The following THEMIS variants were observed in gnomAD, a reference collection of about 807,000 sequenced individuals.
The protein encoded by THEMIS is protein THEMIS.
A neutral mutation model predicts 52.6 loss-of-function variants in THEMIS; 37 were observed. That is an observed-to-expected ratio of 0.70 (90% CI 0.54 to 0.93). The LOEUF is 0.93. Ranked by LOEUF, THEMIS falls within the 40% of genes least tolerant of loss-of-function variation. The probability of loss-of-function intolerance (pLI) is 0.00; values close to 1 mark genes in which losing one functional copy is unlikely to be tolerated. For synonymous variants in THEMIS, 292 were observed against 272.7 expected (o/e 1.07, Z -0.70); for missense variants, 808 against 763.1 (o/e 1.06, Z -0.69).
At chr6:127,858,872 C>A (rs1394373372) in intron 1 of THEMIS, among the ~76,000 whole-genome samples, 1 of 152,078 alleles carries the variant, frequency 6.6e-6, no homozygotes, top group Non-Finnish European at 1.5e-5. Flanking sequence ...TTTCAGTGAT[C>A]AAACATTGCC....
rs75242789 is a variant in THEMIS, at chr6:127,871,288, T to C, written c.92-16100A>G. ...TGCATATAATACATATTTATACCTA[T>C]ATACATACACATACACATACATATA... On this transcript the variant is annotated intron_variant, in intron 1 of 5. Coordinates refer to ENST00000368248, the MANE Select transcript of THEMIS (RefSeq NM_001010923.3). 1.0e-2 allele frequency among the ~76,000 whole-genome samples: 1,518 copies of C among 152,094 alleles called. 31 individuals are homozygous for C. The highest frequency in any genetic ancestry group is 0.035 in the African/African-American group (1,440 of 41,530).
intron 4 of THEMIS, among the ~76,000 whole-genome samples, chr6:127,760,275 T>C (rs1405914905): frequency 3.9e-5 from 6 of 152,160 alleles, no homozygotes; most frequent in African/African-American, 1.4e-4. Flanking sequence ...CATACTGTTT[T>C]GATTATTGTA....
Position 127,717,011 on chromosome 6 carries a change from A to G in THEMIS, c.1894+2677T>C, listed in dbSNP as rs115699908. ...CTCAAAGGCAAAAAATGCAGACAGA[A>G]ACTCAGAGACTGAAAGATCCATAAC... On this transcript the variant is annotated intron_variant, in intron 5 of 5. Coordinates refer to ENST00000368248, the MANE Select transcript of THEMIS (RefSeq NM_001010923.3). Among the ~76,000 whole-genome samples the G allele has an allele frequency of 5.5e-3, 832 of 152,074 alleles. 8 individuals carry two copies. The highest frequency in any genetic ancestry group is 0.019 in the African/African-American group (804 of 41,544).
intron 4 of THEMIS, among the ~76,000 whole-genome samples, chr6:127,792,291 C>T (rs1291491410): frequency 6.6e-6 from 1 of 152,222 alleles, no homozygotes; most frequent in African/African-American, 2.4e-5. Context: ...GCTTTTACAG[C>T]AGGCATCATG....
At chr6:127,823,090 T>C (rs895397420) in intron 3 of THEMIS, among the ~76,000 whole-genome samples, 2 of 152,164 alleles carry the variant, frequency 1.3e-5, no homozygotes, top group African/African-American at 2.4e-5. Context: ...TGGAAAATCC[T>C]AACAAGGCAT....
At chr6:127,878,506 G>A (rs757125344) in intron 1 of THEMIS, among the ~76,000 whole-genome samples, 67 of 151,788 alleles carry the variant, frequency 4.4e-4, no homozygotes, top group Non-Finnish European at 8.4e-4. Context: ...TTTTTTGGTT[G>A]TACTAGGCCT....
chr6:127,778,506 T>A (rs528353422), intron 4 of THEMIS, among the ~76,000 whole-genome samples: 1 of 152,282 alleles, frequency 6.6e-6, no homozygotes, highest in South Asian at 2.1e-4. Context: ...CATTTACATT[T>A]AATGTGATTA....
In THEMIS at chr6:127,829,489, T is replaced by C; in HGVS notation, c.696A>G (p.Gln232=). Residue 232 remains glutamine (Q), a synonymous_variant, in exon 3 of 6, where the codon CAA becomes CAG. Coordinates refer to ENST00000368248, the MANE Select transcript of THEMIS (RefSeq NM_001010923.3). ...TLILKPVYEI[Q]GVMKFRKDII... is the part of the protein sequence containing the mutation. ...GTGGATACTCACATTTCATCACACC[T>C]TGAATTTCATAAACAGGCTTGAGAA... 1 of 1,603,782 alleles carries C rather than the reference T, an allele frequency of 6.2e-7. No individual in the cohort carries two copies. The highest frequency in any genetic ancestry group is 1.3e-5 in the African/African-American group (1 of 74,626).
At chr6:127,868,882 T>C (rs559054975) in intron 1 of THEMIS, among the ~76,000 whole-genome samples, 1 of 152,274 alleles carries the variant, frequency 6.6e-6, no homozygotes, top group East Asian at 1.9e-4. Context: ...AACTAATTAA[T>C]TAAATATATG....
At chr6:127,862,428 ATTT>A (rs71028110) in intron 1 of THEMIS, among the ~76,000 whole-genome samples, 19 of 72,772 alleles carry the variant, frequency 2.6e-4, no homozygotes, top group Non-Finnish European at 3.4e-4. Flanking sequence ...TAGGGAGTAA[ATTT>A]TTTTTTTTTT....
downstream of THEMIS, among the ~76,000 whole-genome samples, chr6:127,703,705 C>A (rs1773761076): frequency 6.6e-6 from 1 of 152,072 alleles, no homozygotes; most frequent in South Asian, 2.1e-4. Flanking sequence ...TAAACTAAAC[C>A]TTGCAAAAAT....
intron 5 of THEMIS, among the ~76,000 whole-genome samples, chr6:127,711,194 A>T (rs182053020): frequency 4.3e-4 from 65 of 151,214 alleles, no homozygotes; most frequent in African/African-American, 1.5e-3. Flanking sequence ...ATTTTTTTTT[A>T]AAGGAGAAGG....
intron 4 of THEMIS, among the ~76,000 whole-genome samples, chr6:127,764,388 T>A (rs1437550718): frequency 6.6e-6 from 1 of 151,856 alleles, no homozygotes; most frequent in African/African-American, 2.4e-5. Flanking sequence ...TAAAGAAACA[T>A]TAAAACATTA....
rs1449710010 is a variant in THEMIS at position 127,709,784 on chromosome 6, A to G, written c.*201T>C. On this transcript the variant is annotated 3_prime_UTR_variant, in exon 6 of 6. Transcript: ENST00000368248. ...ATGCCTACAGATTTAGACACAACAG[A>G]ATAGACTATATGAATTCTATATCAT... 3.8e-6 allele frequency: 2 copies of G among 524,202 alleles called. No homozygotes were observed. The highest frequency in any genetic ancestry group is 6.7e-5 in the East Asian group (2 of 29,722). The allele number at this position is 524,202 out of a possible 1,614,324, so 32.5% of individuals were successfully genotyped here. A position where few individuals can be genotyped will look rare whatever the true frequency, so the allele number is the denominator to read the frequency against.
intron 1 of THEMIS, among the ~76,000 whole-genome samples, chr6:127,916,458 C>T (rs1181062962): frequency 6.6e-6 from 1 of 152,248 alleles, no homozygotes; most frequent in East Asian, 1.9e-4. Flanking sequence ...ATTAATGGTG[C>T]CTTCCTATCC....
intron 4 of THEMIS, among the ~76,000 whole-genome samples, chr6:127,726,983 T>C (rs1006703769): frequency 1.3e-5 from 2 of 152,186 alleles, no homozygotes; most frequent in African/African-American, 4.8e-5. Context: ...TTTAAGGAGA[T>C]AAAAATTCCT....
At chr6:127,871,272 T>C (rs747730824) in intron 1 of THEMIS, among the ~76,000 whole-genome samples, 3 of 152,022 alleles carry the variant, frequency 2.0e-5, no homozygotes, top group African/African-American at 7.2e-5. Flanking sequence ...ATGCATATAA[T>C]ACATATTTAT....
intron 1 of THEMIS, among the ~76,000 whole-genome samples, chr6:127,865,450 T>C (rs1306520888): frequency 6.6e-6 from 1 of 152,084 alleles, no homozygotes; most frequent in Non-Finnish European, 1.5e-5. Flanking sequence ...TTCAAGACTT[T>C]GTTAAAGCTT....
chr6:127,765,374 A>T (rs573912094), intron 4 of THEMIS, among the ~76,000 whole-genome samples: 3 of 152,242 alleles, frequency 2.0e-5, no homozygotes, highest in Admixed American at 2.0e-4. Flanking sequence ...ATGAATTTTC[A>T]ACTAGGAAAA....
Sources: allele counts gnomAD v4.1 joint callset (sites outside exome capture counted in the v4.1 genomes callset), GRCh38; gene constraint gnomAD v4.1.1; transcripts MANE v1.5; gene names NCBI Gene and HGNC (gene_info 2026-07-23, HGNC 2026-07-21).